The following PTPRD variants were observed in gnomAD, a reference collection of about 807,000 sequenced individuals.
PTPRD encodes receptor-type tyrosine-protein phosphatase delta.
In PTPRD, 34 loss-of-function variants were observed where a neutral mutation model predicts 214.5. That is an observed-to-expected ratio of 0.16 (90% CI 0.12 to 0.21). PTPRD has a LOEUF of 0.21. Ranked by LOEUF, PTPRD falls within the 10% of genes least tolerant of loss-of-function variation. The probability of loss-of-function intolerance (pLI) is 1.00; values close to 1 mark genes in which losing one functional copy is unlikely to be tolerated. For synonymous variants in PTPRD, 1,128 were observed against 845.7 expected, an observed-to-expected ratio of 1.33 and a Z score of -5.79; for missense variants, 2,545 against 2,398.7, an observed-to-expected ratio of 1.06 and a Z score of -1.27.
chr9:9,318,531 T>C (rs968063016), intron 9 of PTPRD, among the ~76,000 whole-genome samples: 2 of 152,332 alleles, frequency 1.3e-5, no homozygotes, highest in Admixed American at 6.5e-5. Flanking sequence ...AATGTAATAC[T>C]ACTAGCATCC....
At chr9:9,775,359 T>C (rs375634565) in intron 5 of PTPRD, among the ~76,000 whole-genome samples, 58 of 152,308 alleles carry the variant, frequency 3.8e-4, no homozygotes, top group African/African-American at 1.4e-3. Context: ...AAGGAGGAGA[T>C]CAGGGTCCTA....
intron 2 of PTPRD, among the ~76,000 whole-genome samples, chr9:10,465,367 G>C (rs561068094): frequency 2.0e-5 from 3 of 152,034 alleles, no homozygotes; most frequent in Admixed American, 2.0e-4. Context: ...TTGAGTCCAA[G>C]TAGATGCAAA....
chr9:9,307,800 T>G (rs962789184), intron 9 of PTPRD, among the ~76,000 whole-genome samples: 1 of 152,214 alleles, frequency 6.6e-6, no homozygotes, highest in Non-Finnish European at 1.5e-5. Flanking sequence ...CATTTGTTAA[T>G]TGACCAGTAT....
At chr9:9,376,074 T>TCAC (rs1415476651) in intron 9 of PTPRD, among the ~76,000 whole-genome samples, 4 of 115,388 alleles carry the variant, frequency 3.5e-5, no homozygotes, top group Non-Finnish European at 6.8e-5. Context: ...AACTTGCTCA[T>TCAC]CATTATTATT....
chr9:9,594,126 T>C (rs1022468536), intron 7 of PTPRD, among the ~76,000 whole-genome samples: 1 of 152,004 alleles, frequency 6.6e-6, no homozygotes, highest in Admixed American at 6.6e-5. Flanking sequence ...TGAAAGAAGA[T>C]CACTTACTAA....
At chr9:8,919,817 T>C (rs950852178) in intron 11 of PTPRD, among the ~76,000 whole-genome samples, 7 of 129,646 alleles carry the variant, frequency 5.4e-5, no homozygotes, top group East Asian at 2.5e-4. Flanking sequence ...TGCACATACA[T>C]GCACCCATAC....
intron 12 of PTPRD, among the ~76,000 whole-genome samples, chr9:8,657,758 C>T (rs1240491810): frequency 6.6e-6 from 1 of 152,134 alleles, no homozygotes; most frequent in Non-Finnish European, 1.5e-5. Context: ...TTTACTAAGT[C>T]TAAGTTTTAT....
chr9:9,101,449 A>T (rs553991727), intron 10 of PTPRD, among the ~76,000 whole-genome samples: 1 of 152,324 alleles, frequency 6.6e-6, no homozygotes, highest in Non-Finnish European at 1.5e-5. Flanking sequence ...CCATGAAATC[A>T]AGAATGGGGA....
intron 2 of PTPRD, among the ~76,000 whole-genome samples, chr9:10,565,200 C>T (rs562755372): frequency 2.0e-5 from 3 of 152,096 alleles, no homozygotes; most frequent in African/African-American, 4.8e-5. Flanking sequence ...ACATATTTCA[C>T]CAAAAGACCC....
At chr9:9,624,133 T>G (rs540433141) in intron 7 of PTPRD, among the ~76,000 whole-genome samples, 1 of 152,208 alleles carries the variant, frequency 6.6e-6, no homozygotes, top group Non-Finnish European at 1.5e-5. Flanking sequence ...AAAATACTTA[T>G]TCCGAGTAGT....
At chr9:8,701,032 G>T (rs112717398) in intron 12 of PTPRD, 15,885 of 151,990 alleles carry the variant, frequency 0.1, 958 homozygotes, top group South Asian at 0.16. Context: ...GTGGTGATGC[G>T]TGCCTGTAAT....
At chr9:9,125,361 G>A (rs1159144192) in intron 10 of PTPRD, among the ~76,000 whole-genome samples, 1 of 152,144 alleles carries the variant, frequency 6.6e-6, no homozygotes, top group African/African-American at 2.4e-5. Context: ...CATACTGTGA[G>A]AATTACCTTG....
intron 5 of PTPRD, among the ~76,000 whole-genome samples, chr9:9,850,788 C>T (rs889557309): frequency 6.6e-6 from 1 of 152,010 alleles, no homozygotes. Flanking sequence ...TACCTTCTAA[C>T]CAAAATATTA....
At chr9:10,031,572 C>T (rs2097068719) in intron 4 of PTPRD, among the ~76,000 whole-genome samples, 1 of 147,970 alleles carries the variant, frequency 6.8e-6, no homozygotes, top group Non-Finnish European at 1.5e-5. Flanking sequence ...AGCTTGCAGA[C>T]AGCATATTGT....
chr9:8,577,723 A>T (rs1031222195), intron 14 of PTPRD, among the ~76,000 whole-genome samples: 2 of 152,124 alleles, frequency 1.3e-5, no homozygotes, highest in African/African-American at 2.4e-5. Flanking sequence ...CTTATACTCA[A>T]CTGCAGTAGC....
intron 5 of PTPRD, among the ~76,000 whole-genome samples, chr9:9,819,544 T>G (rs758479451): frequency 1.3e-5 from 2 of 152,192 alleles, no homozygotes; most frequent in African/African-American, 4.8e-5. Flanking sequence ...ATAGGGTACA[T>G]GTGCAGGTTT....
intron 39 of PTPRD, among the ~76,000 whole-genome samples, chr9:8,345,510 C>G (rs1328621932): frequency 6.6e-6 from 1 of 152,004 alleles, no homozygotes; most frequent in South Asian, 2.1e-4. Context: ...CCTAGAAAAG[C>G]TTTCTATCCT....
chr9:8,771,944 T>C (rs957749494), intron 11 of PTPRD, among the ~76,000 whole-genome samples: 1 of 152,014 alleles, frequency 6.6e-6, no homozygotes, highest in African/African-American at 2.4e-5. Flanking sequence ...CTAATCAATA[T>C]TAGCAAATAT....
intron 12 of PTPRD, among the ~76,000 whole-genome samples, chr9:8,658,301 C>T (rs1487645855): frequency 6.6e-6 from 1 of 152,088 alleles, no homozygotes; most frequent in Non-Finnish European, 1.5e-5. Context: ...AAAATCCTTA[C>T]TACTAGTTGC....
Sources: allele counts gnomAD v4.1 joint callset (sites outside exome capture counted in the v4.1 genomes callset), GRCh38; gene constraint gnomAD v4.1.1; transcripts MANE v1.5; gene names NCBI Gene and HGNC (gene_info 2026-07-23, HGNC 2026-07-21).